The following NECTIN3 variants were observed in gnomAD, a reference collection of about 807,000 sequenced individuals.
The protein encoded by NECTIN3 is nectin cell adhesion molecule 3, also known as nectin-3.
In NECTIN3, 8 loss-of-function variants were observed where a neutral mutation model predicts 49.4. The observed-to-expected ratio is 0.16, with a 90% CI of 0.10 to 0.29. The LOEUF is 0.29. Ranked by LOEUF, NECTIN3 falls within the 10% of genes least tolerant of loss-of-function variation. NECTIN3 has a pLI of 1.00. For missense variants in NECTIN3, 581 were observed against 654.6 expected, an observed-to-expected ratio of 0.89 and a Z score of 1.23; for synonymous variants, 277 against 241.1, an observed-to-expected ratio of 1.15 and a Z score of -1.38.
chr3:111,083,592 C>G (rs1416483310), intron 1 of NECTIN3, among the ~76,000 whole-genome samples: 1 of 152,182 alleles, frequency 6.6e-6, no homozygotes, highest in Non-Finnish European at 1.5e-5. Flanking sequence ...AGAGCTGTAA[C>G]AAAGAGTGTA....
At chr3:111,145,767 ATTTC>A (rs751040542) in intron 6 of NECTIN3, among the ~76,000 whole-genome samples, 2 of 152,182 alleles carry the variant, frequency 1.3e-5, no homozygotes, top group Non-Finnish European at 2.9e-5. Flanking sequence ...AAACGGCATT[ATTTC>A]TTATGTGGTT....
chr3:111,118,248 C>CTCTATATATATA (rs1553723386), intron 2 of NECTIN3, among the ~76,000 whole-genome samples: 2 of 78,002 alleles, frequency 2.6e-5, no homozygotes, highest in Non-Finnish European at 5.2e-5. Flanking sequence ...TAAAATGAAG[C>CTCTATATATATA]TATATATATA....
At chr3:111,120,797 T>C (rs2033917367) in intron 3 of NECTIN3, among the ~76,000 whole-genome samples, 1 of 152,090 alleles carries the variant, frequency 6.6e-6, no homozygotes, top group Non-Finnish European at 1.5e-5. Flanking sequence ...AAGCCTTTTA[T>C]CACCTCCAGC....
At chr3:111,178,996 T>A (rs937301367) in intron 7 of NECTIN3, among the ~76,000 whole-genome samples, 2 of 152,212 alleles carry the variant, frequency 1.3e-5, no homozygotes, top group African/African-American at 4.8e-5. Context: ...TTACTATAAA[T>A]CTTGGCTGTA....
At chr3:111,154,692 G>A (rs754089681) in intron 7 of NECTIN3, among the ~76,000 whole-genome samples, 1 of 152,080 alleles carries the variant, frequency 6.6e-6, no homozygotes, top group African/African-American at 2.4e-5. Flanking sequence ...TAATAGTTGT[G>A]TGGTTGTGTT....
chr3:111,123,826 T>C (rs2034051914), intron 4 of NECTIN3, among the ~76,000 whole-genome samples: 1 of 152,204 alleles, frequency 6.6e-6, no homozygotes, highest in African/African-American at 2.4e-5. Flanking sequence ...TTTAGGCCGA[T>C]AATTAGTTTT....
At chr3:111,163,935 G>A (rs901803077) in intron 7 of NECTIN3, among the ~76,000 whole-genome samples, 2 of 150,074 alleles carry the variant, frequency 1.3e-5, no homozygotes, top group Admixed American at 1.3e-4. Flanking sequence ...CCAGTGACAA[G>A]GTGAAACAAG....
intron 1 of NECTIN3, among the ~76,000 whole-genome samples, chr3:111,095,718 A>C (rs2032545756): frequency 6.6e-6 from 1 of 152,170 alleles, no homozygotes. Context: ...AGTAAGTCTC[A>C]TGAGATCTGA....
chr3:111,193,444 G>A (rs2035851910), intron 1 of NECTIN3: 4 of 1,447,112 alleles, frequency 2.8e-6, no homozygotes, highest in Non-Finnish European at 3.7e-6. Context: ...GAGAAGCTAA[G>A]GCCAATAGTT....
chr3:111,162,671 C>A (rs2035237912), intron 7 of NECTIN3, among the ~76,000 whole-genome samples: 2 of 152,136 alleles, frequency 1.3e-5, no homozygotes, highest in South Asian at 4.1e-4. Context: ...GTATACAGAA[C>A]CACAGCCAAC....
chr3:111,080,244 T>C (rs957230294), intron 1 of NECTIN3, among the ~76,000 whole-genome samples: 3 of 152,152 alleles, frequency 2.0e-5, no homozygotes, highest in South Asian at 4.1e-4. Context: ...TCAGCAATTA[T>C]GTTGGCTATT....
intron 3 of NECTIN3, among the ~76,000 whole-genome samples, chr3:111,120,712 C>T (rs1038301452): frequency 5.9e-5 from 9 of 152,104 alleles, no homozygotes; most frequent in African/African-American, 2.2e-4. Context: ...TCATGTGCTG[C>T]TAACTTAGTT....
chr3:111,161,232 C>G (rs2035206203), intron 7 of NECTIN3, among the ~76,000 whole-genome samples: 1 of 152,140 alleles, frequency 6.6e-6, no homozygotes, highest in African/African-American at 2.4e-5. Flanking sequence ...ACAGAAATTG[C>G]TCTCTCAGGG....
intron 1 of NECTIN3, among the ~76,000 whole-genome samples, chr3:111,085,700 AT>A (rs139730502): frequency 0.032 from 4,519 of 142,104 alleles, 82 homozygotes; most frequent in Middle Eastern, 0.12. Flanking sequence ...ATGTAGCAGT[AT>A]TTTTTTTTTT....
intron 1 of NECTIN3, among the ~76,000 whole-genome samples, chr3:111,099,837 C>G (rs866908456): frequency 3.0e-4 from 46 of 152,294 alleles, no homozygotes; most frequent in African/African-American, 9.6e-4. Context: ...TTAGTTTTAA[C>G]TGGACCTCAA....
intron 5 of NECTIN3, among the ~76,000 whole-genome samples, chr3:111,130,589 A>C (rs867285798): frequency 5.3e-5 from 8 of 152,304 alleles, no homozygotes; most frequent in Middle Eastern, 3.4e-3. Context: ...TATATGTAAA[A>C]TAAATGCATC....
intron 1 of NECTIN3, among the ~76,000 whole-genome samples, chr3:111,095,499 C>T (rs904043403): frequency 6.6e-6 from 1 of 152,148 alleles, no homozygotes; most frequent in African/African-American, 2.4e-5. Flanking sequence ...CTAAATAGTG[C>T]AGAAAAAGAC....
downstream of NECTIN3, among the ~76,000 whole-genome samples, chr3:111,142,450 A>G (rs571132566): frequency 2.0e-5 from 3 of 151,990 alleles, no homozygotes; most frequent in African/African-American, 7.2e-5. Context: ...GATAGAAGGA[A>G]GTGTTGTGAT....
Position 111,135,745 on chromosome 3 carries a change from G to T in NECTIN3, c.*1530G>T. 1.0e-6 allele frequency: 1 copy of T among 962,676 alleles called. No individual in the cohort carries two copies. Among genetic ancestry groups the T allele is most frequent in the South Asian group, 4.8e-5 (1 of 20,854 alleles). The allele number at this position is 962,676 out of a possible 1,614,324, so 59.6% of individuals were successfully genotyped here. ...TCATCAAATCTAAAACATTTAGGGG[G>T]CAAAATTCTAACATGTTCATGGTAT... On this transcript the variant is annotated 3_prime_UTR_variant, in exon 6 of 6. Transcript: ENST00000485303.
Sources: gnomAD v4.1 joint callset for allele counts (sites outside exome capture counted in the v4.1 genomes callset) on GRCh38, gnomAD v4.1.1 for gene constraint, MANE v1.5 for transcripts, NCBI Gene and HGNC (gene_info 2026-07-23, HGNC 2026-07-21) for gene names.